The following PCLO variants were observed in gnomAD, a reference collection of about 807,000 sequenced individuals.
PCLO encodes the protein protein piccolo.
A neutral mutation model predicts 427.5 loss-of-function variants in PCLO; 82 were observed. The ratio of observed to expected loss-of-function variants is 0.19; its 90% CI spans 0.16 to 0.23. The LOEUF is 0.23. Among genes scored for constraint, PCLO ranks in the 10% least tolerant of loss-of-function variants. PCLO has a pLI of 1.00. For synonymous variants in PCLO, 2,357 were observed against 2,155.4 expected (o/e 1.09, Z -2.59); for missense variants, 6,239 against 6,115.9 (o/e 1.02, Z -0.67).
chr7:82,808,685 A>G (rs1252220118), intron 20 of PCLO, among the ~76,000 whole-genome samples: 3 of 151,952 alleles, frequency 2.0e-5, no homozygotes, highest in Non-Finnish European at 4.4e-5. Flanking sequence ...TCTGCAAAAC[A>G]TGATTACATC....
intron 20 of PCLO, among the ~76,000 whole-genome samples, 195 bp from the exon 21 acceptor site, chr7:82,806,024 T>C (rs1272710760): frequency 6.6e-6 from 1 of 152,232 alleles, no homozygotes; most frequent in Non-Finnish European, 1.5e-5. Context: ...TTTACTGTTT[T>C]TATTGGACAT....
intron 3 of PCLO, among the ~76,000 whole-genome samples, chr7:83,010,999 G>A (rs1366261976): frequency 6.6e-6 from 1 of 151,710 alleles, no homozygotes; most frequent in East Asian, 1.9e-4. Context: ...TTCCACTGCC[G>A]AACTATATGA....
At chr7:83,136,906 C>T (rs1791745252) in intron 2 of PCLO, among the ~76,000 whole-genome samples, 1 of 151,846 alleles carries the variant, frequency 6.6e-6, no homozygotes, top group Non-Finnish European at 1.5e-5. Context: ...TAACATTTAC[C>T]TTTTTTATTA....
At chr7:82,910,561 T>TC (rs1443857406) in intron 7 of PCLO, among the ~76,000 whole-genome samples, 6 of 152,084 alleles carry the variant, frequency 3.9e-5, no homozygotes, top group Non-Finnish European at 7.4e-5. Flanking sequence ...GTCTTTTTTT[T>TC]CCCCTTCCCT....
Position 82,916,307 on chromosome 7 carries a change from A to G in PCLO, c.11679T>C (p.Pro3893=). The G allele has an allele frequency of 6.2e-7, 1 of 1,613,666 alleles. No homozygotes were observed. The highest frequency in any genetic ancestry group is 2.2e-5 in the East Asian group (1 of 44,844). Residue 3893 remains proline (P), a synonymous_variant, in exon 7 of 25, where the codon CCT becomes CCC. Coordinates refer to ENST00000333891, the MANE Select transcript of PCLO (RefSeq NM_033026.6). ...SPYTQYQYSS[P]ALPTQAPTSY... The stretch of plus-strand genomic sequence containing the variant: ...AGGTGGGTGCTTGGGTAGGAAGAGC[A>G]GGGGAAGAGTACTGGTATTGTGTGT...
At chr7:82,902,588 G>A in intron 9 of PCLO, 63 bp downstream of exon 9, 1 of 901,822 alleles carries the variant, frequency 1.1e-6, no homozygotes. Flanking sequence ...ATAAAAAAAT[G>A]CAAAACAAAA....
chr7:82,776,208 C>T (rs377486151), intron 22 of PCLO, among the ~76,000 whole-genome samples: 46 of 152,234 alleles, frequency 3.0e-4, no homozygotes, highest in African/African-American at 8.4e-4. Context: ...ACCAATACTA[C>T]GTTAAATATT....
At chr7:83,130,101 T>C (rs543831929) in intron 3 of PCLO, among the ~76,000 whole-genome samples, 14 of 152,176 alleles carry the variant, frequency 9.2e-5, no homozygotes, top group Admixed American at 8.5e-4. Context: ...TGCCAGAAAT[T>C]TTTAATTAAT....
chr7:82,773,666 T>C (rs1315305877), intron 22 of PCLO, among the ~76,000 whole-genome samples: 1 of 150,620 alleles, frequency 6.6e-6, no homozygotes, highest in East Asian at 1.9e-4. Context: ...TCATGCTAGA[T>C]GAAAGAGCAA....
intron 3 of PCLO, among the ~76,000 whole-genome samples, chr7:83,109,342 G>T (rs1306266676): frequency 6.6e-6 from 1 of 152,034 alleles, no homozygotes; most frequent in Non-Finnish European, 1.5e-5. Flanking sequence ...AAAAATATCT[G>T]CTGGGTACAT....
At chr7:82,932,586 G>A (rs977039219) in intron 6 of PCLO, among the ~76,000 whole-genome samples, 3 of 152,222 alleles carry the variant, frequency 2.0e-5, no homozygotes, top group African/African-American at 7.2e-5. Context: ...TGAACAACAT[G>A]AAGGAGAAGT....
intron 3 of PCLO, among the ~76,000 whole-genome samples, chr7:83,033,636 G>T (rs1788725532): frequency 6.6e-6 from 1 of 151,914 alleles, no homozygotes; most frequent in Non-Finnish European, 1.5e-5. Flanking sequence ...CTTCCTTTCA[G>T]CACATATATT....
At chr7:82,890,584 T>C (rs1452868118) in intron 9 of PCLO, among the ~76,000 whole-genome samples, 3 of 152,012 alleles carry the variant, frequency 2.0e-5, no homozygotes, top group African/African-American at 7.2e-5. Flanking sequence ...TTATAGAAGG[T>C]GGACAAATTG....
chr7:83,115,995 T>C (rs1333084907), intron 3 of PCLO, among the ~76,000 whole-genome samples: 2 of 151,770 alleles, frequency 1.3e-5, no homozygotes, highest in African/African-American at 4.8e-5. Flanking sequence ...CGCACACATA[T>C]ACATATATGT....
rs957580275 is a variant in PCLO, at chr7:82,757,593, T to C, written c.*982A>G. ...TTTGTTTGCCAGAGAAAGAATTTTC[T>C]TTCTCTGTCAATGCATCGCTCAACA... is the stretch of plus-strand genomic sequence containing the variant. On this transcript the variant is annotated 3_prime_UTR_variant, in exon 25 of 25. Coordinates refer to ENST00000333891, the MANE Select transcript of PCLO (RefSeq NM_033026.6). The C allele has an allele frequency of 2.0e-5, 3 of 152,012 alleles. No homozygotes were observed. Among genetic ancestry groups the C allele is most frequent in the Non-Finnish European group, 4.4e-5 (3 of 67,938 alleles). The allele number at this position is 152,012 out of a possible 1,614,324, so 9.4% of individuals were successfully genotyped here.
intron 9 of PCLO, 72 bp downstream of exon 9, chr7:82,902,578 AT>A: frequency 3.6e-6 from 3 of 824,326 alleles, no homozygotes; most frequent in Non-Finnish European, 2.0e-6. Flanking sequence ...AAGTATAATA[AT>A]AAAAAAATGC....
chr7:82,971,444 A>C lies in PCLO; in HGVS notation c.3301-4957T>G, dbSNP rs188760318. 6.4e-3 allele frequency among the ~76,000 whole-genome samples: 963 copies of C among 150,476 alleles called. 15 individuals carry two copies. Among genetic ancestry groups the C allele is most frequent in the African/African-American group, 0.022 (905 of 41,254 alleles). ...TATATATATGTGTGTGTGTGTATACATCTGTAATACACACACATAAAACTG... is the reference window on the plus strand; with the variant it reads ...TATATATATGTGTGTGTGTGTATACCTCTGTAATACACACACATAAAACTG... On this transcript the variant is annotated intron_variant, in intron 3 of 24. Coordinates refer to ENST00000333891, the MANE Select transcript of PCLO (RefSeq NM_033026.6).
At chr7:82,881,080 A>G (rs1371432213) in intron 9 of PCLO, among the ~76,000 whole-genome samples, 2 of 152,194 alleles carry the variant, frequency 1.3e-5, no homozygotes, top group African/African-American at 4.8e-5. Context: ...AGGTATGGCT[A>G]AAAGTGTAGT....
intron 1 of PCLO, among the ~76,000 whole-genome samples, chr7:83,162,032 G>A (rs868193751): frequency 7.2e-5 from 11 of 152,206 alleles, no homozygotes; most frequent in African/African-American, 2.4e-4. Flanking sequence ...AAGACTTCCA[G>A]ATTAGTAAAA....
Sources: gnomAD v4.1 joint callset for allele counts (sites outside exome capture counted in the v4.1 genomes callset) on GRCh38, gnomAD v4.1.1 for gene constraint, MANE v1.5 for transcripts, NCBI Gene and HGNC (gene_info 2026-07-23, HGNC 2026-07-21) for gene names.